CLPB: variants seen among roughly 807,000 people sequenced by gnomAD.
CLPB encodes ClpB family mitochondrial disaggregase, also known as mitochondrial disaggregase.
Under a neutral mutation model 78.4 loss-of-function variants are expected in CLPB, and 40 were observed. The observed-to-expected ratio is 0.51, with a 90% CI of 0.40 to 0.66. The LOEUF is 0.66. Among genes scored for constraint, CLPB ranks in the 30% least tolerant of loss-of-function variants. The pLI is 0.00. For synonymous variants in CLPB, 333 were observed against 348.0 expected, an observed-to-expected ratio of 0.96 and a Z score of 0.48; for missense variants, 780 against 886.9, an observed-to-expected ratio of 0.88 and a Z score of 1.53.
Position 72,434,298 on chromosome 11 carries a change from C to A in CLPB, c.177G>T (p.Ser59=). 5.0e-6 allele frequency: 8 copies of A among 1,611,988 alleles called. No individual in the cohort carries two copies. Among genetic ancestry groups the A allele is most frequent in the Non-Finnish European group, 6.8e-6 (8 of 1,179,516 alleles). ...CCCCACGTCCGGAGAACAAGGCCGG[C>A]GATGTTCCAGGGCGCCCCCCGGTGG... ...RVATGGRPGT[S]PALFSGRGAA... The change falls in exon 1 of 16, where the codon TCG becomes TCT. Residue 59 remains serine (S), a synonymous_variant. Coordinates refer to ENST00000538039, the MANE Select transcript of CLPB (RefSeq NM_001258392.3).
chr11:72,344,859 A>ATT (rs1950483389), intron 5 of CLPB, among the ~76,000 whole-genome samples: 2 of 152,242 alleles, frequency 1.3e-5, no homozygotes, highest in African/African-American at 4.8e-5. Context: ...AGTCCTATAG[A>ATT]AAAGTGGGCA....
Position 72,289,988 on chromosome 11 carries a change from A to G in CLPB, c.*3379T>C, listed in dbSNP as rs1231250214. 1.3e-5 allele frequency: 2 copies of G among 152,220 alleles called. No homozygotes were observed. The highest frequency in any genetic ancestry group is 2.9e-5 in the Non-Finnish European group (2 of 68,044). The allele number at this position is 152,220 out of a possible 1,614,324, so 9.4% of individuals were successfully genotyped here. A position where few individuals can be genotyped will look rare whatever the true frequency, so the allele number is the denominator to read the frequency against. ...CTAGCTCTGTCTGCTGAGCAGGCCT[A>G]CAAGCAATGACACTCCGCCAATGAT... On this transcript the variant is annotated 3_prime_UTR_variant, in exon 16 of 16. Coordinates refer to ENST00000538039, the MANE Select transcript of CLPB (RefSeq NM_001258392.3).
At chr11:72,411,108 C>G (rs1308395516) in intron 2 of CLPB, among the ~76,000 whole-genome samples, 1 of 152,234 alleles carries the variant, frequency 6.6e-6, no homozygotes, top group Non-Finnish European at 1.5e-5. Flanking sequence ...CTTCTAGAAA[C>G]AAGGACTTGC....
chr11:72,387,629 G>A (rs751234337), intron 3 of CLPB, among the ~76,000 whole-genome samples: 1 of 151,392 alleles, frequency 6.6e-6, no homozygotes, highest in Non-Finnish European at 1.5e-5. Flanking sequence ...CAGGTTATAA[G>A]TACGTAAAAC....
At chr11:72,393,335 T>C (rs1855309567) in intron 3 of CLPB, among the ~76,000 whole-genome samples, 2 of 152,146 alleles carry the variant, frequency 1.3e-5, no homozygotes, top group African/African-American at 4.8e-5. Flanking sequence ...GGCTGGCATA[T>C]CTCTTAGACT....
Position 72,290,501 on chromosome 11 carries a change from G to A in CLPB, c.*2866C>T, listed in dbSNP as rs1483742943. On this transcript the variant is annotated 3_prime_UTR_variant, in exon 16 of 16. Transcript: ENST00000538039. ...CCTGTTATAAGCAAGAATCATTGAT[G>A]ATGGAAATGAAAATCAGTAGGCAAA... 2.6e-5 allele frequency: 4 copies of A among 152,202 alleles called. No individual in the cohort carries two copies. Among genetic ancestry groups the A allele is most frequent in the Non-Finnish European group, 2.9e-5 (2 of 68,028 alleles). 9.4% of individuals were successfully genotyped at this position (152,202 alleles called of 1,614,324 possible). A position where few individuals can be genotyped will look rare whatever the true frequency, so the allele number is the denominator to read the frequency against.
intron 11 of CLPB, among the ~76,000 whole-genome samples, chr11:72,298,400 T>C (rs949094972): frequency 1.3e-5 from 2 of 152,224 alleles, no homozygotes; most frequent in African/African-American, 4.8e-5. Flanking sequence ...TCCGCACTCA[T>C]TGGTCACGCC....
At chr11:72,322,702 T>C (rs1343662407) in intron 6 of CLPB, among the ~76,000 whole-genome samples, 1 of 152,212 alleles carries the variant, frequency 6.6e-6, no homozygotes, top group Non-Finnish European at 1.5e-5. Context: ...TCATAACTGG[T>C]AGTCTTAACT....
At chr11:72,416,735 CAAA>C (rs35655496) in intron 2 of CLPB, among the ~76,000 whole-genome samples, 1 of 50,654 alleles carries the variant, frequency 2.0e-5, no homozygotes, top group Non-Finnish European at 5.0e-5. Context: ...GACTCCGTCT[CAAA>C]AAAAAAAAAA....
chr11:72,415,383 C>G (rs1489726446), intron 2 of CLPB, among the ~76,000 whole-genome samples: 1 of 152,082 alleles, frequency 6.6e-6, no homozygotes, highest in African/African-American at 2.4e-5. Flanking sequence ...GACCAATCAG[C>G]TGACAGAAAA....
At chr11:72,337,613 A>C (rs1950345452) in intron 5 of CLPB, among the ~76,000 whole-genome samples, 1 of 152,234 alleles carries the variant, frequency 6.6e-6, no homozygotes. Context: ...GCTGGGATTT[A>C]ACATGGGGAT....
At chr11:72,406,326 G>A (rs141856869) in intron 2 of CLPB, among the ~76,000 whole-genome samples, 1 of 152,146 alleles carries the variant, frequency 6.6e-6, no homozygotes, top group Non-Finnish European at 1.5e-5. Flanking sequence ...TTGCTCTAGA[G>A]GTAGGGCTGA....
chr11:72,359,531 C>A (rs1454851299), intron 4 of CLPB, among the ~76,000 whole-genome samples: 1 of 152,090 alleles, frequency 6.6e-6, no homozygotes, highest in African/African-American at 2.4e-5. Flanking sequence ...ATATACCTCT[C>A]TGCTCTGAAA....
chr11:72,301,679 T>C, intron 11 of CLPB, 124 bp downstream of exon 11: 3 of 1,068,360 alleles, frequency 2.8e-6, no homozygotes, highest in East Asian at 4.8e-5. Flanking sequence ...TGAATGAATG[T>C]ACACATGCGG....
At chr11:72,341,589 C>T (rs1040710270) in intron 5 of CLPB, among the ~76,000 whole-genome samples, 2 of 152,044 alleles carry the variant, frequency 1.3e-5, no homozygotes, top group African/African-American at 4.8e-5. Context: ...AAGGATATTC[C>T]AGGCAAAGTG....
chr11:72,364,822 T>C (rs1565463743), intron 4 of CLPB, among the ~76,000 whole-genome samples: 1 of 152,108 alleles, frequency 6.6e-6, no homozygotes, highest in Non-Finnish European at 1.5e-5. Context: ...AAACTGACTG[T>C]GTGACTTTAT....
chr11:72,368,375 C>T (rs918835406), intron 4 of CLPB, among the ~76,000 whole-genome samples: 35 of 152,164 alleles, frequency 2.3e-4, no homozygotes, highest in East Asian at 1.9e-4. Context: ...ATTCATTAAA[C>T]GAAGAAACTG....
chr11:72,288,592 GCAAA>G lies in CLPB; in HGVS notation c.*4771_*4774del, dbSNP rs1431909327. On this transcript the variant is annotated 3_prime_UTR_variant, in exon 16 of 16. Transcript: ENST00000538039. ...CATGGGACAAATAAAAATATGCTGAGCAAACAAACAATACTTTTCTGTTCCAGAG... is the reference window on the plus strand; with the variant it reads ...CATGGGACAAATAAAAATATGCTGAGCAAACAATACTTTTCTGTTCCAGAG... 6.6e-6 allele frequency: 1 copy of G among 152,204 alleles called. No homozygotes were observed. Among genetic ancestry groups the G allele is most frequent in the African/African-American group, 2.4e-5 (1 of 41,438 alleles). 9.4% of individuals were successfully genotyped at this position (152,204 alleles called of 1,614,324 possible).
intron 5 of CLPB, among the ~76,000 whole-genome samples, chr11:72,355,923 G>A (rs575979682): frequency 6.6e-6 from 1 of 152,330 alleles, no homozygotes; most frequent in South Asian, 2.1e-4. Flanking sequence ...ATTTAGGCCT[G>A]CTTTGGATCT....
Sources: gnomAD v4.1 joint callset for allele counts (sites outside exome capture counted in the v4.1 genomes callset) on GRCh38, gnomAD v4.1.1 for gene constraint, MANE v1.5 for transcripts, NCBI Gene and HGNC (gene_info 2026-07-23, HGNC 2026-07-21) for gene names.